Variants in SPIDR observed in about 807,000 individuals in gnomAD.
The protein encoded by SPIDR is scaffold protein involved in DNA repair.
SPIDR carries 93 observed loss-of-function variants against 104.6 expected under a neutral mutation model. The observed-to-expected ratio is 0.89, with a 90% CI of 0.75 to 1.06. The LOEUF is 1.06. Among genes scored for constraint, SPIDR ranks in the 50% least tolerant of loss-of-function variants. The pLI is 0.00. For missense variants in SPIDR, 1,154 were observed against 1,111.2 expected (o/e 1.04, Z -0.55); for synonymous variants, 431 against 416.9 (o/e 1.03, Z -0.41).
intron 5 of SPIDR, among the ~76,000 whole-genome samples, chr8:47,369,112 A>G (rs534039945): frequency 8.5e-5 from 13 of 152,352 alleles, no homozygotes; most frequent in African/African-American, 3.1e-4. Context: ...ACATTGCAGG[A>G]TATCATAAAA....
intron 10 of SPIDR, among the ~76,000 whole-genome samples, chr8:47,602,330 A>C (rs1489657888): frequency 6.6e-6 from 1 of 152,358 alleles, no homozygotes; most frequent in Non-Finnish European, 1.5e-5. Flanking sequence ...AACTAAAGGC[A>C]GCTCTAAGTC....
intron 5 of SPIDR, among the ~76,000 whole-genome samples, chr8:47,389,272 T>G (rs1018626617): frequency 1.3e-5 from 2 of 152,162 alleles, no homozygotes; most frequent in South Asian, 2.1e-4. Context: ...TTGGTTACCT[T>G]TGCAAAAATA....
intron 5 of SPIDR, among the ~76,000 whole-genome samples, chr8:47,345,890 A>G (rs779000157): frequency 2.0e-5 from 3 of 152,210 alleles, no homozygotes; most frequent in Non-Finnish European, 2.9e-5. Flanking sequence ...TTCTAAATAT[A>G]CAATGATGTC....
intron 19 of SPIDR, among the ~76,000 whole-genome samples, chr8:47,733,598 C>A (rs1223870612): frequency 6.6e-6 from 1 of 151,358 alleles, no homozygotes; most frequent in Non-Finnish European, 1.5e-5. Context: ...AGCGCATATG[C>A]CGCCTCCACC....
rs557854644 is a variant in SPIDR, at chr8:47,350,594, G to A, written c.526-45782G>A. 9.2e-5 allele frequency among the ~76,000 whole-genome samples: 14 copies of A among 152,336 alleles called. No individual in the cohort carries two copies. In the East Asian group the frequency reaches 1.2e-3, roughly 13 times the overall value. On this transcript the variant is annotated intron_variant, in intron 5 of 19. Coordinates refer to ENST00000297423, the MANE Select transcript of SPIDR (RefSeq NM_001080394.4). ...CTCCCAAAGTGCTGGGGTTACAGGC[G>A]TGTGCCACTGTGCCTGGCCTAATTT...
At chr8:47,527,102 A>C (rs1209610950) in intron 8 of SPIDR, among the ~76,000 whole-genome samples, 1 of 151,976 alleles carries the variant, frequency 6.6e-6, no homozygotes, top group Non-Finnish European at 1.5e-5. Context: ...ATGTCTAGGA[A>C]CCCTGCTAGG....
intron 5 of SPIDR, among the ~76,000 whole-genome samples, chr8:47,351,566 T>C (rs1352382776): frequency 1.1e-4 from 16 of 152,160 alleles, no homozygotes; most frequent in Admixed American, 9.8e-4. Flanking sequence ...TTAAACAAAA[T>C]GATGTCTTAA....
intron 5 of SPIDR, among the ~76,000 whole-genome samples, chr8:47,327,627 A>G (rs1256038543): frequency 6.6e-6 from 1 of 151,922 alleles, no homozygotes; most frequent in African/African-American, 2.4e-5. Context: ...GAGTGGCGCA[A>G]TCTTGGCTCA....
At chr8:47,729,558 T>C in intron 19 of SPIDR, 93 bp downstream of exon 19, 1 of 1,429,622 alleles carries the variant, frequency 7.0e-7, no homozygotes, top group Non-Finnish European at 9.5e-7. Context: ...CCAAATGTGT[T>C]CTATTACAAC....
chr8:47,413,903 C>G (rs1676486671), intron 7 of SPIDR, among the ~76,000 whole-genome samples: 1 of 152,180 alleles, frequency 6.6e-6, no homozygotes, highest in Non-Finnish European at 1.5e-5. Flanking sequence ...TTGTTAATCT[C>G]TACAGACCTT....
At chr8:47,339,696 T>G (rs1314898203) in intron 5 of SPIDR, among the ~76,000 whole-genome samples, 1 of 151,566 alleles carries the variant, frequency 6.6e-6, no homozygotes, top group Admixed American at 6.6e-5. Context: ...TTTTTTTTTT[T>G]TGAGGTGGAG....
At chr8:47,726,925 C>A (rs746096051) in intron 16 of SPIDR, among the ~76,000 whole-genome samples, 1 of 152,088 alleles carries the variant, frequency 6.6e-6, no homozygotes, top group African/African-American at 2.4e-5. Context: ...TCAGCTGTGG[C>A]GATGTAACTA....
chr8:47,380,353 T>C (rs979964797), intron 5 of SPIDR, among the ~76,000 whole-genome samples: 1 of 152,174 alleles, frequency 6.6e-6, no homozygotes, highest in South Asian at 2.1e-4. Context: ...CTATTTTTTT[T>C]TGGAGAAGGG....
intron 8 of SPIDR, among the ~76,000 whole-genome samples, chr8:47,514,903 T>C (rs1026011803): frequency 6.6e-6 from 1 of 152,192 alleles, no homozygotes; most frequent in Non-Finnish European, 1.5e-5. Flanking sequence ...TCTACCCTTA[T>C]GTTTCTGAGG....
intron 8 of SPIDR, among the ~76,000 whole-genome samples, chr8:47,465,090 C>T (rs1343555411): frequency 1.1e-4 from 17 of 152,092 alleles, no homozygotes; most frequent in Admixed American, 1.1e-3. Flanking sequence ...GAAAGAAATT[C>T]CAACCAAGAA....
intron 8 of SPIDR, among the ~76,000 whole-genome samples, chr8:47,538,274 G>A (rs1349408970): frequency 6.6e-6 from 1 of 152,124 alleles, no homozygotes; most frequent in African/African-American, 2.4e-5. Flanking sequence ...GCTGGGCGTG[G>A]TGGTTCACGC....
rs543834951 is a variant in SPIDR at position 47,618,189 on chromosome 8, AT to A, written c.1544+19003del. On this transcript the variant is annotated intron_variant, in intron 10 of 19. Coordinates refer to ENST00000297423, the MANE Select transcript of SPIDR (RefSeq NM_001080394.4). The stretch of plus-strand genomic sequence containing the variant: ...GTCATTTTCTAGTTGGTTTGGCTGG[AT>A]TTTTTTTTTAAGTAATATAATCTCA... 1.3e-4 allele frequency among the ~76,000 whole-genome samples: 20 copies of A among 150,138 alleles called. No homozygotes were observed. The South Asian group carries it at 3.0e-3, about 22-fold the overall frequency.
chr8:47,431,364 TTCAA>T (rs1433507191), intron 7 of SPIDR, among the ~76,000 whole-genome samples: 2 of 152,204 alleles, frequency 1.3e-5, no homozygotes, highest in African/African-American at 4.8e-5. Flanking sequence ...GACACCAACA[TTCAA>T]TCTGTAACAC....
intron 11 of SPIDR, among the ~76,000 whole-genome samples, chr8:47,678,735 C>T (rs534522673): frequency 1.3e-5 from 2 of 152,096 alleles, no homozygotes; most frequent in South Asian, 2.1e-4. Flanking sequence ...TGAGGCAAGG[C>T]GAGGACCACT....
Sources: allele counts gnomAD v4.1 joint callset (sites outside exome capture counted in the v4.1 genomes callset), GRCh38; gene constraint gnomAD v4.1.1; transcripts MANE v1.5; gene names NCBI Gene and HGNC (gene_info 2026-07-23, HGNC 2026-07-21).